GALNT15: variants seen among roughly 807,000 people sequenced by gnomAD.
The protein encoded by GALNT15 is polypeptide N-acetylgalactosaminyltransferase 15.
GALNT15 carries 67 observed loss-of-function variants against 66.8 expected under a neutral mutation model. That is an observed-to-expected ratio of 1.00 (90% CI 0.82 to 1.23). The LOEUF is 1.23. Among genes scored for constraint, GALNT15 ranks in the 50% most tolerant of loss-of-function variants. The pLI is 0.00. For synonymous variants in GALNT15, 313 were observed against 311.5 expected (o/e 1.00, Z -0.05); for missense variants, 827 against 804.3 (o/e 1.03, Z -0.34).
rs2730355 is a variant in GALNT15, at chr3:16,187,451, G to C, written c.540-8309G>C. On this transcript the variant is annotated intron_variant, in intron 1 of 9. Transcript: ENST00000339732. This position sits in a 1 kb window ranked among gnomAD's most constrained non-coding sequence, Gnocchi z 5.1. Reference sequence around the variant, plus strand: ...CTCTCAGACCTGGCAGCTGATGCTGGTCCTCAGCTGGGGCACTTTAGTTTT... The same window carrying C: ...CTCTCAGACCTGGCAGCTGATGCTGCTCCTCAGCTGGGGCACTTTAGTTTT... Among the ~76,000 whole-genome samples, 9 of 152,226 alleles carry C rather than the reference G, an allele frequency of 5.9e-5. No homozygotes were observed. The East Asian group carries it at 1.7e-3, about 29-fold the overall frequency.
At chr3:16,214,097 A>G (rs1288390486) in intron 6 of GALNT15, among the ~76,000 whole-genome samples, 8 of 152,202 alleles carry the variant, frequency 5.3e-5, no homozygotes, top group Admixed American at 5.2e-4. Context: ...ACAGAGTGGC[A>G]CTGGCTCCTT....
downstream of GALNT15, among the ~76,000 whole-genome samples, chr3:16,235,030 A>T (rs1347341333): frequency 1.3e-5 from 2 of 149,298 alleles, no homozygotes; most frequent in Non-Finnish European, 3.0e-5. Context: ...TCACACCATT[A>T]TCCTGCCTCA....
chr3:16,191,278 A>T lies in GALNT15; in HGVS notation c.540-4482A>T. 1.0e-6 allele frequency: 1 copy of T among 974,938 alleles called. No individual in the cohort carries two copies. Among genetic ancestry groups the T allele is most frequent in the Non-Finnish European group, 1.2e-6 (1 of 820,354 alleles). The allele number at this position is 974,938 out of a possible 1,614,324, so 60.4% of individuals were successfully genotyped here. On this transcript the variant is annotated intron_variant, in intron 1 of 9. Coordinates refer to ENST00000339732, the MANE Select transcript of GALNT15 (RefSeq NM_054110.5). This position sits in a 1 kb window ranked among gnomAD's most constrained non-coding sequence, Gnocchi z 5.2. ...TGCTGCGGGAAGGAGCCCCCAAAGA[A>T]TCAAGAACACACACTTTCAAGGCTG...
chr3:16,190,479 A>G (rs1348187273), intron 1 of GALNT15, among the ~76,000 whole-genome samples: 7 of 152,150 alleles, frequency 4.6e-5, no homozygotes, highest in Non-Finnish European at 1.0e-4. Context: ...TCTACTAAAA[A>G]TACAAAAAAT....
chr3:16,197,733 CGATGACCAGCCCAT>C (rs1300694043), intron 2 of GALNT15, among the ~76,000 whole-genome samples: 1 of 152,120 alleles, frequency 6.6e-6, no homozygotes, highest in East Asian at 1.9e-4. Context: ...AAAATGCTTG[CGATGACCAGCCCAT>C]GATGACCCTT....
intron 6 of GALNT15, among the ~76,000 whole-genome samples, chr3:16,215,906 C>CAAAAAAAAAAAACAAAAAAAAAAAAAAA (rs1559690416): frequency 1.9e-5 from 2 of 102,614 alleles, no homozygotes; most frequent in Non-Finnish European, 4.0e-5. Flanking sequence ...GAGACTCCGC[C>CAAAAAAAAAAAACAAAAAAAAAAAAAAA]AAAAAAAAAA....
rs138024208 is a variant in GALNT15 at position 16,182,372 on chromosome 3, A to T, written c.539+6682A>T. On this transcript the variant is annotated intron_variant, in intron 1 of 9. Transcript: ENST00000339732. The surrounding 1 kb of genome is among the most constrained non-coding windows in gnomAD (Gnocchi z 6.1). The stretch of plus-strand genomic sequence containing the variant: ...GACCAAGTAAATGTGATTCACAGGA[A>T]CTCACTCTCTAAGTGATTCTAATGT... Among the ~76,000 whole-genome samples the T allele has an allele frequency of 2.0e-5, 3 of 152,324 alleles. No individual in the cohort carries two copies. In the East Asian group the frequency reaches 5.8e-4, roughly 29 times the overall value.
At position 16,229,269 on chromosome 3, in the gene GALNT15, T is replaced by G. The variant is rs1352049405; in HGVS notation, c.*1769T>G. ...CCTTCCTCAGAATACACTCTGGACCTGTGCTGTCTAATATGGTAGCCACTA... is the reference window on the plus strand; with the variant it reads ...CCTTCCTCAGAATACACTCTGGACCGGTGCTGTCTAATATGGTAGCCACTA... On this transcript the variant is annotated 3_prime_UTR_variant, in exon 10 of 10. Transcript: ENST00000339732. 4.1e-6 allele frequency: 4 copies of G among 983,672 alleles called. No homozygotes were observed. The highest frequency in any genetic ancestry group is 2.3e-4 in the East Asian group (2 of 8,806). The allele number at this position is 983,672 out of a possible 1,614,324, so 60.9% of individuals were successfully genotyped here.
chr3:16,212,723 CCTT>C lies in GALNT15; in HGVS notation c.1355_1357del (p.Phe452del). On this transcript the variant is annotated inframe_deletion, in exon 6 of 10. Transcript: ENST00000339732. ...ACCTGGCTGGGGTCATTCAAAGAAA[CCTT>C]CTACAAGCATAGCCCAGAGGCCTTC... 1.2e-6 allele frequency: 2 copies of C among 1,613,900 alleles called. No homozygotes were observed. Among genetic ancestry groups the C allele is most frequent in the South Asian group, 1.1e-5 (1 of 91,066 alleles).
the GALNT15 span, among the ~76,000 whole-genome samples, chr3:16,239,951 T>C: frequency 2.6e-5 from 4 of 152,376 alleles, no homozygotes; most frequent in East Asian, 7.7e-4. The surrounding 1 kb of genome is among the most constrained non-coding windows in gnomAD (Gnocchi z 5.2). Flanking sequence ...TACATGGTAG[T>C]GTCAAGGGGC....
chr3:16,184,122 T>C lies in GALNT15; in HGVS notation c.539+8432T>C, dbSNP rs751563688. ...GTTGATTTGAGTCCAAAGCCCTTGG[T>C]TGTTCCTGTCCCGCTGCTCCCACTC... is the stretch of plus-strand genomic sequence containing the variant. On this transcript the variant is annotated intron_variant, in intron 1 of 9. Coordinates refer to ENST00000339732, the MANE Select transcript of GALNT15 (RefSeq NM_054110.5). This position sits in a 1 kb window ranked among gnomAD's most constrained non-coding sequence, Gnocchi z 5.0. Among the ~76,000 whole-genome samples, 4 of 152,198 alleles carry C rather than the reference T, an allele frequency of 2.6e-5. No homozygotes were observed. Among genetic ancestry groups the C allele is most frequent in the African/African-American group, 9.7e-5 (4 of 41,444 alleles).
chr3:16,241,055 A>C, the GALNT15 span, among the ~76,000 whole-genome samples: 1 of 151,886 alleles, frequency 6.6e-6, no homozygotes, highest in Non-Finnish European at 1.5e-5. This position sits in a 1 kb window ranked among gnomAD's most constrained non-coding sequence, Gnocchi z 4.6. Flanking sequence ...CATATACATC[A>C]TGTCTCTGGA....
chr3:16,213,004 G>A (rs2124888762), intron 6 of GALNT15, among the ~76,000 whole-genome samples: 1 of 152,248 alleles, frequency 6.6e-6, no homozygotes, highest in African/African-American at 2.4e-5. Flanking sequence ...TCTATGGGAT[G>A]ACATCTATGG....
At chr3:16,236,394 A>T (rs923442605), downstream of GALNT15, among the ~76,000 whole-genome samples, 1 of 152,196 alleles carries the variant, frequency 6.6e-6, no homozygotes, top group African/African-American at 2.4e-5. Context: ...GTACAAAAGG[A>T]GCCGAGCCAT....
chr3:16,175,074 G>C lies in GALNT15; in HGVS notation c.-78G>C. 7.0e-7 allele frequency: 1 copy of C among 1,421,756 alleles called. No homozygotes were observed. Among genetic ancestry groups the C allele is most frequent in the Non-Finnish European group, 9.6e-7 (1 of 1,037,284 alleles). 88.1% of individuals were successfully genotyped at this position (1,421,756 alleles called of 1,614,324 possible). On this transcript the variant is annotated 5_prime_UTR_variant, in exon 1 of 10. Transcript: ENST00000339732. This position sits in a 1 kb window ranked among gnomAD's most constrained non-coding sequence, Gnocchi z 5.6. ...AGGTGGAACAAGCAACCCAGGTTCT[G>C]CTGCAAGCTTGAAGGAGCCTGGAGC...
chr3:16,227,364 T>C lies in GALNT15; in HGVS notation c.1784T>C (p.Ile595Thr). 4 of 1,613,280 alleles carry C rather than the reference T, an allele frequency of 2.5e-6. No homozygotes were observed. Among genetic ancestry groups the C allele is most frequent in the Non-Finnish European group, 3.4e-6 (4 of 1,179,762 alleles). ...CCTTTCTCTTTTTAGAATGGGATGA[T>C]TGTCCACATTCTTTCTGGGAAATGC... The part of the protein sequence containing the change: ...QHWDFQENGM[I>T]VHILSGKCME... Residue 595 changes from isoleucine (I) to threonine (T), a missense_variant, in exon 10 of 10, where the codon ATT (isoleucine) becomes ACT (threonine). Ile to Thr is a moderately conservative substitution (Grantham distance 89). Transcript: ENST00000339732. This position sits in a 1 kb window ranked among gnomAD's most constrained non-coding sequence, Gnocchi z 4.5.
the GALNT15 span, among the ~76,000 whole-genome samples, chr3:16,242,604 A>C: frequency 6.6e-6 from 1 of 152,050 alleles, no homozygotes; most frequent in Non-Finnish European, 1.5e-5. The surrounding 1 kb of genome is among the most constrained non-coding windows in gnomAD (Gnocchi z 5.6). Context: ...CCAAAAAAAA[A>C]TAAAATAAAA....
chr3:16,206,097 C>T (rs1027439039), intron 3 of GALNT15, among the ~76,000 whole-genome samples: 2 of 152,190 alleles, frequency 1.3e-5, no homozygotes, highest in East Asian at 3.8e-4. Flanking sequence ...ACAGCACAGG[C>T]TGGGTGCAGT....
chr3:16,208,513 G>T lies in GALNT15; in HGVS notation c.922G>T (p.Val308Leu). ...CACAATTCTTTCCAGGAGCCGAGTG[G>T]TATCTCCGGTGATAGATGTGATTGA... ...SRIAGDRSRV[V>L]SPVIDVIDWK... Residue 308 changes from valine to leucine, a missense_variant, in exon 4 of 10, where the codon GTA becomes TTA. Physicochemically the swap from Val to Leu is conservative, Grantham distance 32. Transcript: ENST00000339732. 1 of 1,613,904 alleles carries T rather than the reference G, an allele frequency of 6.2e-7. No homozygotes were observed. The highest frequency in any genetic ancestry group is 8.5e-7 in the Non-Finnish European group (1 of 1,179,882).
Sources: gnomAD v4.1 joint callset for allele counts (sites outside exome capture counted in the v4.1 genomes callset) on GRCh38, gnomAD v4.1.1 for gene constraint, Gnocchi (gnomAD v3.1) non-coding constraint, MANE v1.5 for transcripts, NCBI Gene and HGNC (gene_info 2026-07-23, HGNC 2026-07-21) for gene names.